SPATA13: variants seen among roughly 807,000 people sequenced by gnomAD.
SPATA13 encodes the protein spermatogenesis associated 13, also known as spermatogenesis-associated protein 13.
A neutral mutation model predicts 104.0 loss-of-function variants in SPATA13; 50 were observed. The observed-to-expected ratio is 0.48, with a 90% CI of 0.38 to 0.61. The LOEUF (loss-of-function observed/expected upper bound fraction) is 0.61, where lower values mean the gene tolerates loss of function less well. Ranked by LOEUF, SPATA13 falls within the 20% of genes least tolerant of loss-of-function variation. The probability of loss-of-function intolerance (pLI) is 0.00; values close to 1 mark genes in which losing one functional copy is unlikely to be tolerated. For synonymous variants in SPATA13, 606 were observed against 667.5 expected (o/e 0.91, Z 1.42); for missense variants, 1,524 against 1,690.6 (o/e 0.90, Z 1.73).
At chr13:24,187,810 T>C (rs75611445) in intron 1 of SPATA13, among the ~76,000 whole-genome samples, 7,167 of 152,276 alleles carry the variant, frequency 0.047, 531 homozygotes, top group African/African-American at 0.16. Flanking sequence ...TCAGGCCTTC[T>C]TATTTCCTGA....
At position 24,177,389 on chromosome 13, in the gene SPATA13, C is replaced by T. The variant is rs187982128; in HGVS notation, c.-112+16457C>T. ...ACAGAGGTGCCAGCAAATTCACTGT[C>T]GGCGTGAATGCCTGCTTTCTGGTTT... On this transcript the variant is annotated intron_variant, in intron 1 of 12. Coordinates refer to ENST00000382108, the MANE Select transcript of SPATA13 (RefSeq NM_001166271.3). 6.6e-5 allele frequency among the ~76,000 whole-genome samples: 10 copies of T among 152,300 alleles called. 1 individual carries two copies. Among genetic ancestry groups the T allele is most frequent in the Admixed American group, 4.6e-4 (7 of 15,298 alleles).
At chr13:24,170,034 A>ATAGCT (rs1451858298) in intron 1 of SPATA13, among the ~76,000 whole-genome samples, 1 of 152,226 alleles carries the variant, frequency 6.6e-6, no homozygotes. Context: ...TCCAAACCAG[A>ATAGCT]TAGCTTTAGG....
intron 3 of SPATA13, among the ~76,000 whole-genome samples, chr13:24,018,467 T>C (rs781447340): frequency 1.1e-4 from 17 of 152,240 alleles, no homozygotes; most frequent in Non-Finnish European, 1.6e-4. Context: ...AATTCCTTTT[T>C]CTCCAATTAA....
intron 4 of SPATA13, among the ~76,000 whole-genome samples, chr13:24,253,420 G>C (rs953664222): frequency 6.6e-6 from 1 of 151,972 alleles, no homozygotes; most frequent in African/African-American, 2.4e-5. Context: ...GGACCTCTTA[G>C]GATAACTAGT....
intron 12 of SPATA13, among the ~76,000 whole-genome samples, 160 bp from the exon 13 acceptor site, chr13:24,302,438 G>A (rs1224143320): frequency 7.4e-6 from 1 of 134,962 alleles, no homozygotes; most frequent in Non-Finnish European, 1.5e-5. Flanking sequence ...CTCCAGCCTG[G>A]GTGACAGTAA....
intron 3 of SPATA13, among the ~76,000 whole-genome samples, chr13:24,047,605 C>A (rs1878196242): frequency 6.6e-6 from 1 of 152,192 alleles, no homozygotes; most frequent in African/African-American, 2.4e-5. Context: ...TTTAGTAAAT[C>A]CTATTAGTTT....
chr13:24,288,989 T>C lies in SPATA13; in HGVS notation c.2668-10T>C. Reference sequence around the variant, plus strand: ...TTCCAAATAAAAAGTATTACTTCTGTATTTTGCAGGGCTATATCCGACAGT... The same window carrying C: ...TTCCAAATAAAAAGTATTACTTCTGCATTTTGCAGGGCTATATCCGACAGT... On this transcript the variant is annotated splice_polypyrimidine_tract_variant and intron_variant, in intron 7 of 12. Coordinates refer to ENST00000382108, the MANE Select transcript of SPATA13 (RefSeq NM_001166271.3). The C allele has an allele frequency of 6.3e-7, 1 of 1,584,844 alleles. No homozygotes were observed. Among genetic ancestry groups the C allele is most frequent in the East Asian group, 2.2e-5 (1 of 44,624 alleles).
chr13:24,303,005 C>T lies in SPATA13; in HGVS notation c.*232C>T, dbSNP rs530982499. 26 of 578,970 alleles carry T rather than the reference C, an allele frequency of 4.5e-5. No individual in the cohort carries two copies. Among genetic ancestry groups the T allele is most frequent in the African/African-American group, 2.6e-4 (14 of 53,738 alleles). The allele number at this position is 578,970 out of a possible 1,614,324, so 35.9% of individuals were successfully genotyped here. A position where few individuals can be genotyped will look rare whatever the true frequency, so the allele number is the denominator to read the frequency against. The stretch of plus-strand genomic sequence containing the variant: ...AAGCTTTATCCTACACAGAAACACC[C>T]GTGACCCACTATGAGATGGCCCAGA... On this transcript the variant is annotated 3_prime_UTR_variant, in exon 13 of 13. Transcript: ENST00000382108.
At chr13:24,058,371 G>A (rs1593303892) in intron 3 of SPATA13, among the ~76,000 whole-genome samples, 1 of 151,800 alleles carries the variant, frequency 6.6e-6, no homozygotes, top group Non-Finnish European at 1.5e-5. Flanking sequence ...AATGCTCACC[G>A]TAATCCCTTC....
chr13:24,192,363 TCTC>T (rs1225735319), intron 1 of SPATA13, among the ~76,000 whole-genome samples: 2 of 152,016 alleles, frequency 1.3e-5, no homozygotes, highest in Non-Finnish European at 2.9e-5. Flanking sequence ...GAGGTGTTCG[TCTC>T]CTCCTCCTTG....
At chr13:24,213,122 G>C (rs2138592310) in intron 1 of SPATA13, among the ~76,000 whole-genome samples, 1 of 152,348 alleles carries the variant, frequency 6.6e-6, no homozygotes, top group South Asian at 2.1e-4. Flanking sequence ...AAGATGGTCA[G>C]GAGGCTGAAG....
At chr13:24,160,997 T>A (rs936496365) in intron 1 of SPATA13, 65 bp downstream of exon 1, 1 of 934,110 alleles carries the variant, frequency 1.1e-6, no homozygotes, top group African/African-American at 1.8e-5. Context: ...AGGTAGAATA[T>A]CGGGAGGATT....
At chr13:24,031,255 T>G (rs1355633399) in intron 3 of SPATA13, among the ~76,000 whole-genome samples, 4 of 152,206 alleles carry the variant, frequency 2.6e-5, no homozygotes, top group African/African-American at 9.7e-5. Context: ...TGGCAGTTTC[T>G]TAGGGCATTT....
intron 4 of SPATA13, among the ~76,000 whole-genome samples, chr13:24,282,553 G>A (rs530624598): frequency 1.3e-5 from 2 of 151,630 alleles, no homozygotes; most frequent in South Asian, 4.2e-4. Flanking sequence ...CTCCCAACAT[G>A]GATCTCAGTT....
chr13:24,183,525 CACAT>C (rs1690860487), intron 1 of SPATA13, among the ~76,000 whole-genome samples: 2 of 152,176 alleles, frequency 1.3e-5, no homozygotes, highest in Admixed American at 1.3e-4. Flanking sequence ...GCTCACGGGC[CACAT>C]GCAGCCCAAG....
At chr13:24,152,376 G>T (rs1882122299) in intron 3 of SPATA13, among the ~76,000 whole-genome samples, 1 of 152,232 alleles carries the variant, frequency 6.6e-6, no homozygotes, top group Non-Finnish European at 1.5e-5. Flanking sequence ...GGTGCCATGG[G>T]ACTCAGTGGT....
intron 1 of SPATA13, among the ~76,000 whole-genome samples, chr13:24,215,044 G>A (rs1179348512): frequency 6.6e-6 from 1 of 152,102 alleles, no homozygotes; most frequent in African/African-American, 2.4e-5. Flanking sequence ...GGTTATGTTC[G>A]AGCACAGCGT....
rs1879341811 is a variant in SPATA13 at position 24,076,758 on chromosome 13, T to C, written c.-112+59057T>C. ...ACCTAGAGACAAAAGAGAGTCACTC[T>C]TATGTAAAAGGAAGTTACCCCCAGA... On this transcript the variant is annotated intron_variant, in intron 3 of 14. Coordinates refer to the SPATA13 transcript ENST00000424834. Among the ~76,000 whole-genome samples, 4 of 151,778 alleles carry C rather than the reference T, an allele frequency of 2.6e-5. No individual in the cohort carries two copies. In the South Asian group the frequency reaches 8.4e-4, roughly 32 times the overall value.
At chr13:24,198,126 G>C (rs748952086) in intron 1 of SPATA13, among the ~76,000 whole-genome samples, 3 of 152,102 alleles carry the variant, frequency 2.0e-5, no homozygotes, top group Non-Finnish European at 2.9e-5. Context: ...CTCCCGAGTA[G>C]CTGGGATTAC....
Sources: allele counts gnomAD v4.1 joint callset (sites outside exome capture counted in the v4.1 genomes callset), GRCh38; gene constraint gnomAD v4.1.1; transcripts MANE v1.5; gene names NCBI Gene and HGNC (gene_info 2026-07-23, HGNC 2026-07-21).